PIEZO1: variants seen among roughly 807,000 people sequenced by gnomAD.
The protein encoded by PIEZO1 is piezo-type mechanosensitive ion channel component 1.
Under a neutral mutation model 297.2 loss-of-function variants are expected in PIEZO1, and 296 were observed. The observed-to-expected ratio is 1.00, with a 90% CI of 0.91 to 1.10. The LOEUF (loss-of-function observed/expected upper bound fraction) is 1.10, where lower values mean the gene tolerates loss of function less well. PIEZO1 is among the 50% of genes least tolerant of loss of function. The pLI, the probability that PIEZO1 is intolerant of heterozygous loss-of-function variation, is 0.00. For synonymous variants in PIEZO1, 2,427 were observed against 1,507.5 expected (o/e 1.61, Z -14.13); for missense variants, 5,018 against 3,455.5 (o/e 1.45, Z -11.34).
intron 1 of PIEZO1, among the ~76,000 whole-genome samples, chr16:88,774,802 G>A (rs1346058786): frequency 2.0e-5 from 3 of 152,162 alleles, no homozygotes; most frequent in South Asian, 2.1e-4. Flanking sequence ...AGCCGGCTGC[G>A]CAGGAGCGAA....
intron 1 of PIEZO1, among the ~76,000 whole-genome samples, chr16:88,775,179 G>A (rs1487976744): frequency 2.6e-5 from 4 of 152,246 alleles, no homozygotes; most frequent in Non-Finnish European, 5.9e-5. Flanking sequence ...CGCAGGCCCT[G>A]GGGAGAGGCC....
In PIEZO1 at chr16:88,732,527, C is replaced by G; in HGVS notation, c.2799G>C (p.Leu933=). ...CGAATACCAGCAGCAGCAGCACTTG[C>G]AGGTGGTTCTGCGGAGGGCAAGGGT... The part of the protein sequence containing the change: ...FPNLGYIQNH[L]QVLLLLVFEA... The change falls in exon 21 of 51, where the codon CTG becomes CTC. Residue 933 remains leucine, a synonymous_variant. Coordinates refer to ENST00000301015, the MANE Select transcript of PIEZO1 (RefSeq NM_001142864.4). 6.5e-7 allele frequency: 1 copy of G among 1,546,728 alleles called. No individual in the cohort carries two copies. Among genetic ancestry groups the G allele is most frequent in the Non-Finnish European group, 8.7e-7 (1 of 1,144,112 alleles).
At chr16:88,736,015 G>A (rs1905187739) in intron 12 of PIEZO1, 133 bp downstream of exon 12, 2 of 891,968 alleles carry the variant, frequency 2.2e-6, no homozygotes, top group Non-Finnish European at 3.3e-6. Context: ...CTCTGGGTGG[G>A]CAGAAGGGGA....
At chr16:88,718,341 A>G (rs1238966301) in intron 44 of PIEZO1, 1 of 152,784 alleles carries the variant, frequency 6.5e-6, no homozygotes, top group East Asian at 1.9e-4. Context: ...CTCATGATGG[A>G]AACCACCACC....
At chr16:88,754,081 T>TCCCAACC (rs1020658839) in intron 1 of PIEZO1, among the ~76,000 whole-genome samples, 5 of 152,064 alleles carry the variant, frequency 3.3e-5, no homozygotes, top group African/African-American at 1.2e-4. Context: ...GAGCTGTGGT[T>TCCCAACC]CCCAACCCCC....
rs1242328408 is a variant in PIEZO1 at position 88,776,968 on chromosome 16, G to A, written c.64+7933C>T. Among the ~76,000 whole-genome samples the A allele has an allele frequency of 5.3e-5, 8 of 152,102 alleles. No homozygotes were observed. The East Asian group carries it at 1.5e-3, about 29-fold the overall frequency. On this transcript the variant is annotated intron_variant, in intron 1 of 50. Transcript: ENST00000301015. The stretch of plus-strand genomic sequence containing the variant: ...GGCCTGCACCAGGCTGAAGTGTCAG[G>A]ATTTTCTTCTTCTTCTTTTTTGAGA...
chr16:88,747,649 C>T (rs1390275200), intron 2 of PIEZO1, among the ~76,000 whole-genome samples: 2 of 152,206 alleles, frequency 1.3e-5, no homozygotes, highest in African/African-American at 4.8e-5. Context: ...AACGATGGAC[C>T]CCAATGATGC....
At position 88,765,441 on chromosome 16, in the gene PIEZO1, T is replaced by C. The variant is rs370298457; in HGVS notation, c.65-15962A>G. On this transcript the variant is annotated intron_variant, in intron 1 of 50. Transcript: ENST00000301015. ...ACTTCTGCAGGAGACTGGGGTCTGG[T>C]CCTAGCTCAGCCCTCCCCTCTCTGT... Among the ~76,000 whole-genome samples, 6 of 152,300 alleles carry C rather than the reference T, an allele frequency of 3.9e-5. No individual in the cohort carries two copies. In the East Asian group the frequency reaches 1.2e-3, roughly 29 times the overall value.
At position 88,734,006 on chromosome 16, in the gene PIEZO1, C is replaced by T; in HGVS notation, c.2229G>A (p.Glu743=). 2 of 1,547,974 alleles carry T rather than the reference C, an allele frequency of 1.3e-6. No individual in the cohort carries two copies. Among genetic ancestry groups the T allele is most frequent in the South Asian group, 1.2e-5 (1 of 83,882 alleles). The change falls in exon 17 of 51, where the codon GAG becomes GAA. Residue 743 remains glutamate, a synonymous_variant. Coordinates refer to ENST00000301015, the MANE Select transcript of PIEZO1 (RefSeq NM_001142864.4). ...CCTCCTCCTGCTGCTGCTGCTGATG[C>T]TCCTGCTGCTCCTCCCGCAGCAGTG... is the stretch of plus-strand genomic sequence containing the variant. The part of the protein sequence containing the change: ...GTPLLREEQQ[E]HQQQQQEEEE...
chr16:88,717,981 G>A (rs1912171316), intron 44 of PIEZO1: 1 of 336,818 alleles, frequency 3.0e-6, no homozygotes, highest in Non-Finnish European at 5.7e-6. Context: ...TACTCGGGAG[G>A]CTGAGGTGGG....
chr16:88,747,914 G>A (rs1325522758), intron 2 of PIEZO1, among the ~76,000 whole-genome samples: 2 of 152,314 alleles, frequency 1.3e-5, no homozygotes, highest in Non-Finnish European at 2.9e-5. Flanking sequence ...AGGAAGGTAG[G>A]CACCTGGAGC....
In PIEZO1 at chr16:88,737,557, A is replaced by C. The variant is rs979682703; in HGVS notation, c.1195+2T>G. 12 of 1,529,774 alleles carry C rather than the reference A, an allele frequency of 7.8e-6. No individual in the cohort carries two copies. The highest frequency in any genetic ancestry group is 6.9e-5 in the African/African-American group (5 of 72,778). 94.8% of individuals were successfully genotyped at this position (1,529,774 alleles called of 1,614,324 possible). ...CCATACCTTGCAGTGTGCGGTACTCACCAGGCCGCCGCAGGACGGAGCTCT... is the reference window on the plus strand; with the variant it reads ...CCATACCTTGCAGTGTGCGGTACTCCCCAGGCCGCCGCAGGACGGAGCTCT... On this transcript the variant is annotated splice_donor_variant, in intron 10 of 50. Coordinates refer to ENST00000301015, the MANE Select transcript of PIEZO1 (RefSeq NM_001142864.4). LOFTEE classifies it high-confidence loss of function.
chr16:88,738,687 T>G lies in PIEZO1; in HGVS notation c.515A>C (p.Glu172Ala). 6.5e-7 allele frequency: 1 copy of G among 1,534,662 alleles called. No homozygotes were observed. The highest frequency in any genetic ancestry group is 8.7e-7 in the Non-Finnish European group (1 of 1,145,922). The part of the protein sequence containing the change: ...VDASPTAGLQ[E>A]AATLAPTRRS... Reference sequence around the variant, plus strand: ...CCGTGTAGGGGCCAGCGTTGCTGCTTCCTGCAGCCCTGCCGTCGGGCTGGC... The same window carrying G: ...CCGTGTAGGGGCCAGCGTTGCTGCTGCCTGCAGCCCTGCCGTCGGGCTGGC... Residue 172 changes from glutamate (E) to alanine (A), a missense_variant, in exon 6 of 51, where the codon GAA (glutamate) becomes GCA (alanine). Coordinates refer to ENST00000301015, the MANE Select transcript of PIEZO1 (RefSeq NM_001142864.4).
At chr16:88,739,723 G>C (rs1179602624) in intron 5 of PIEZO1, 2 of 152,574 alleles carry the variant, frequency 1.3e-5, no homozygotes, top group African/African-American at 2.4e-5. Context: ...TCCGAGGCCA[G>C]GGTAACAGGG....
At chr16:88,745,754 A>AG (rs1336963214) in intron 2 of PIEZO1, 1 of 150,912 alleles carries the variant, frequency 6.6e-6, no homozygotes, top group Non-Finnish European at 1.5e-5. Flanking sequence ...GTCTCAAAAA[A>AG]AAAAAAAAAA....
intron 1 of PIEZO1, among the ~76,000 whole-genome samples, chr16:88,764,586 A>G (rs1217776795): frequency 2.0e-5 from 3 of 151,918 alleles, no homozygotes; most frequent in Non-Finnish European, 1.5e-5. Context: ...CCCCGTCGCT[A>G]CTAAAAATAC....
chr16:88,764,644 G>A (rs1470169217), intron 1 of PIEZO1, among the ~76,000 whole-genome samples: 5 of 151,636 alleles, frequency 3.3e-5, no homozygotes, highest in South Asian at 2.1e-4. Context: ...CCAGCTACTC[G>A]GGAGGCTGAG....
chr16:88,720,677 T>G lies in PIEZO1; in HGVS notation c.5740A>C (p.Ser1914Arg). ...EAPTGREKRP[S>R]RSGGRVRAAG... ...GCCCTTACTCTTCCTCCAGAGCGGC[T>G]TGGCCTCTTCTCTCTCCCCGTGGGG... The change falls in exon 40 of 51, where the codon AGC (serine) becomes CGC (arginine). Residue 1914 changes from serine (S) to arginine (R), a missense_variant. Ser to Arg is a moderately radical substitution (Grantham distance 110). Transcript: ENST00000301015. 6.5e-7 allele frequency: 1 copy of G among 1,546,402 alleles called. No homozygotes were observed. Among genetic ancestry groups the G allele is most frequent in the Non-Finnish European group, 8.7e-7 (1 of 1,144,976 alleles).
chr16:88,748,708 C>T (rs2142861212), intron 2 of PIEZO1, among the ~76,000 whole-genome samples: 1 of 152,246 alleles, frequency 6.6e-6, no homozygotes, highest in Admixed American at 6.5e-5. Context: ...CTCCTCGCCC[C>T]TCACAGCCCC....
Sources: allele counts gnomAD v4.1 joint callset (sites outside exome capture counted in the v4.1 genomes callset), GRCh38; gene constraint gnomAD v4.1.1; transcripts MANE v1.5; gene names NCBI Gene and HGNC (gene_info 2026-07-23, HGNC 2026-07-21).